The following ATP8B4 variants were observed in gnomAD, a reference collection of about 807,000 sequenced individuals.
ATP8B4 encodes ATPase phospholipid transporting 8B4 (putative).
A neutral mutation model predicts 145.6 loss-of-function variants in ATP8B4; 133 were observed. The ratio of observed to expected loss-of-function variants is 0.91; its 90% CI spans 0.79 to 1.05. The LOEUF is 1.05. ATP8B4 is among the 50% of genes least tolerant of loss of function. The probability of loss-of-function intolerance (pLI) is 0.00; values close to 1 mark genes in which losing one functional copy is unlikely to be tolerated. For synonymous variants in ATP8B4, 507 were observed against 492.9 expected, an observed-to-expected ratio of 1.03 and a Z score of -0.38; for missense variants, 1,458 against 1,425.2, an observed-to-expected ratio of 1.02 and a Z score of -0.37.
At chr15:49,963,910 A>G (rs2044307281) in intron 13 of ATP8B4, among the ~76,000 whole-genome samples, 1 of 151,184 alleles carries the variant, frequency 6.6e-6, no homozygotes. Flanking sequence ...TAAAAGTTGA[A>G]AAAAAAAAAG....
At chr15:49,862,148 T>C in intron 27 of ATP8B4, 97 bp downstream of exon 27, 1 of 1,438,022 alleles carries the variant, frequency 7.0e-7, no homozygotes, top group East Asian at 2.4e-5. Context: ...TGTGACAATT[T>C]CATTAGCCCA....
chr15:49,897,195 C>T, intron 23 of ATP8B4, 97 bp downstream of exon 23: 2 of 1,198,938 alleles, frequency 1.7e-6, no homozygotes, highest in Admixed American at 2.3e-5. Flanking sequence ...AAAAAATGCT[C>T]TGAATTTATT....
intron 23 of ATP8B4, among the ~76,000 whole-genome samples, chr15:49,887,243 C>A (rs529423231): frequency 8.5e-5 from 13 of 152,054 alleles, no homozygotes; most frequent in African/African-American, 2.7e-4. Flanking sequence ...AATTTTAAGG[C>A]CCCCTTCTGG....
At chr15:49,902,470 C>T (rs1296111750) in intron 20 of ATP8B4, among the ~76,000 whole-genome samples, 2 of 152,212 alleles carry the variant, frequency 1.3e-5, no homozygotes, top group African/African-American at 4.8e-5. Context: ...ACATTAACTT[C>T]TAGCTCAATA....
chr15:50,045,675 T>C (rs1358008262), intron 4 of ATP8B4, among the ~76,000 whole-genome samples: 3 of 152,210 alleles, frequency 2.0e-5, no homozygotes, highest in Non-Finnish European at 4.4e-5. Flanking sequence ...AGCTAAATTC[T>C]AGTCCTAGTT....
At position 49,897,335 on chromosome 15, in the gene ATP8B4, A is replaced by G; in HGVS notation, c.2654T>C (p.Leu885Pro). Residue 885 changes from leucine to proline, a missense_variant, in exon 23 of 28, where the codon CTT becomes CCT. Physicochemically the swap from Leu to Pro is moderately conservative, Grantham distance 98 (BLOSUM62 -3). Coordinates refer to ENST00000284509, the MANE Select transcript of ATP8B4 (RefSeq NM_024837.4). ...GAAGAAACCAAACCAGAAATGCACA[A>G]GTGTAAATGCAAAATTCTTATAGAA... ...YFFYKNFAFT[L>P]VHFWFGFFCG... is the part of the protein sequence containing the mutation. 6.2e-7 allele frequency: 1 copy of G among 1,613,414 alleles called. No homozygotes were observed. The highest frequency in any genetic ancestry group is 8.5e-7 in the Non-Finnish European group (1 of 1,179,756).
intron 2 of ATP8B4, among the ~76,000 whole-genome samples, chr15:50,099,403 C>T (rs556457594): frequency 6.6e-6 from 1 of 152,254 alleles, no homozygotes; most frequent in Admixed American, 6.5e-5. Context: ...CCTCAGTCCC[C>T]CAAGGAGCTG....
chr15:50,016,974 T>C (rs1041403474), intron 6 of ATP8B4, among the ~76,000 whole-genome samples: 27 of 152,162 alleles, frequency 1.8e-4, no homozygotes, highest in Non-Finnish European at 3.4e-4. Flanking sequence ...CTTGAACTCC[T>C]GGCTTCAAGT....
intron 11 of ATP8B4, among the ~76,000 whole-genome samples, chr15:49,980,860 T>C (rs962585593): frequency 3.3e-5 from 5 of 152,168 alleles, no homozygotes; most frequent in Non-Finnish European, 5.9e-5. Context: ...CTGCCCACCA[T>C]AAGCTATGTA....
Position 49,942,261 on chromosome 15 carries a change from G to A in ATP8B4, c.1288-8079C>T, listed in dbSNP as rs563341548. Among the ~76,000 whole-genome samples, 6 of 151,856 alleles carry A rather than the reference G, an allele frequency of 4.0e-5. No individual in the cohort carries two copies. The East Asian group carries it at 9.7e-4, about 25-fold the overall frequency. On this transcript the variant is annotated intron_variant, in intron 14 of 27. Coordinates refer to ENST00000284509, the MANE Select transcript of ATP8B4 (RefSeq NM_024837.4). ...TCATACAATGATACTACAAAAAAAA[G>A]TAATGTACAGAAAAAAATAATAAAA...
intron 17 of ATP8B4, chr15:49,922,463 T>TTG (rs1414032033): frequency 4.0e-5 from 17 of 421,778 alleles, no homozygotes; most frequent in African/African-American, 3.5e-4. Flanking sequence ...ACAATAGCTA[T>TTG]GTTTGTAACC....
intron 7 of ATP8B4, 83 bp from the exon 8 acceptor site, chr15:50,002,306 C>G: frequency 3.7e-6 from 4 of 1,084,856 alleles, no homozygotes; most frequent in Non-Finnish European, 5.4e-6. Context: ...CTCTTGACTA[C>G]TAAAGAGGCA....
chr15:50,102,924 C>T (rs1004932782), intron 2 of ATP8B4, among the ~76,000 whole-genome samples: 1 of 152,056 alleles, frequency 6.6e-6, no homozygotes, highest in African/African-American at 2.4e-5. Flanking sequence ...ACCAGGGATG[C>T]AGGGATGGTT....
intron 6 of ATP8B4, among the ~76,000 whole-genome samples, chr15:50,031,144 T>C (rs1429563267): frequency 6.6e-6 from 1 of 152,230 alleles, no homozygotes; most frequent in Non-Finnish European, 1.5e-5. Flanking sequence ...CAAAAAGCAC[T>C]GAGACCACTC....
Position 49,898,165 on chromosome 15 carries a change from T to C in ATP8B4, c.2376A>G (p.Pro792=), listed in dbSNP as rs768825651. ...CKTVICCRVT[P]LQKAQVVELV... ...GCTCTACCACTTGGGCTTTCTGGAG[T>C]GGAGTGACCCTGCAGCAAATTACAG... The change falls in exon 22 of 28, where the codon CCA becomes CCG. Residue 792 remains proline (P), a synonymous_variant. Coordinates refer to ENST00000284509, the MANE Select transcript of ATP8B4 (RefSeq NM_024837.4). 6.2e-6 allele frequency: 10 copies of C among 1,613,862 alleles called. No individual in the cohort carries two copies. Among genetic ancestry groups the C allele is most frequent in the Non-Finnish European group, 8.5e-6 (10 of 1,179,874 alleles).
At chr15:50,166,040 A>G (rs977580143) in intron 1 of ATP8B4, among the ~76,000 whole-genome samples, 2 of 151,966 alleles carry the variant, frequency 1.3e-5, no homozygotes, top group African/African-American at 4.8e-5. Flanking sequence ...AGATAAAGGG[A>G]AAATCTTGAA....
intron 1 of ATP8B4, among the ~76,000 whole-genome samples, chr15:50,160,185 T>C (rs1005263248): frequency 1.3e-5 from 2 of 151,840 alleles, no homozygotes; most frequent in Non-Finnish European, 2.9e-5. Flanking sequence ...TATTGGCATA[T>C]AGCTGCTCAT....
intron 14 of ATP8B4, among the ~76,000 whole-genome samples, chr15:49,958,596 G>A (rs1240976490): frequency 2.0e-5 from 3 of 151,806 alleles, no homozygotes; most frequent in Non-Finnish European, 4.4e-5. Flanking sequence ...AAAGACCTAT[G>A]AGTCTTTTCA....
At chr15:49,876,228 GT>G (rs769055564) in intron 25 of ATP8B4, 49 bp downstream of exon 25, 1 of 1,575,148 alleles carries the variant, frequency 6.3e-7, no homozygotes, top group Admixed American at 1.8e-5. Context: ...CAATGAAATA[GT>G]AAAAGTTGTA....
Sources: gnomAD v4.1 joint callset for allele counts (sites outside exome capture counted in the v4.1 genomes callset) on GRCh38, gnomAD v4.1.1 for gene constraint, MANE v1.5 for transcripts, NCBI Gene and HGNC (gene_info 2026-07-23, HGNC 2026-07-21) for gene names.